The following GRHL1 variants were observed in gnomAD, a reference collection of about 807,000 sequenced individuals.
GRHL1 encodes grainyhead like transcription factor 1, also known as grainyhead-like protein 1 homolog.
Under a neutral mutation model 75.7 loss-of-function variants are expected in GRHL1, and 38 were observed. That is an observed-to-expected ratio of 0.50 (90% CI 0.39 to 0.66). The LOEUF (loss-of-function observed/expected upper bound fraction) is 0.66. Ranked by LOEUF, GRHL1 falls within the 30% of genes least tolerant of loss-of-function variation. The probability of loss-of-function intolerance (pLI) is 0.00; values close to 1 mark genes in which losing one functional copy is unlikely to be tolerated. For missense variants in GRHL1, 589 were observed against 767.5 expected (o/e 0.77, Z 2.75); for synonymous variants, 266 against 279.4 (o/e 0.95, Z 0.48).
rs1477609807 is a variant in GRHL1 at position 9,954,879 on chromosome 2, G to A, written c.21-36G>A. The stretch of plus-strand genomic sequence containing the variant: ...GCTTATGATACCTTGCAGTAGAAAA[G>A]TGTGTGTTTTTGTTTTTTTTTTAAT... On this transcript the variant is annotated intron_variant, in intron 1 of 15. Coordinates refer to ENST00000324907, the MANE Select transcript of GRHL1 (RefSeq NM_198182.3). The A allele has an allele frequency of 3.3e-6, 5 of 1,538,162 alleles. No homozygotes were observed. In the South Asian group the frequency reaches 3.4e-5, roughly 10 times the overall value.
rs1194877451 is a variant in GRHL1 at position 9,990,080 on chromosome 2, C to A, written c.1270-616C>A. Among the ~76,000 whole-genome samples the A allele has an allele frequency of 6.6e-6, 1 of 152,084 alleles. No homozygotes were observed. Among genetic ancestry groups the A allele is most frequent in the South Asian group, 2.1e-4 (1 of 4,818 alleles). ...AAGGGAAAATACCCTTGTGTCTTTGCAGGCATGTGGTATACTCACAGATTT... is the reference window on the plus strand; with the variant it reads ...AAGGGAAAATACCCTTGTGTCTTTGAAGGCATGTGGTATACTCACAGATTT... On this transcript the variant is annotated intron_variant, in intron 9 of 15. Transcript: ENST00000324907. This position sits in a 1 kb window ranked among gnomAD's most constrained non-coding sequence, Gnocchi z 4.2.
chr2:9,990,820 T>C lies in GRHL1; in HGVS notation c.1321+73T>C. ...TGTTCCCGGCAAGCTTCAGACCTTT[T>C]CCATTGAGAATGGTGGCTGGAGTTT... is the stretch of plus-strand genomic sequence containing the variant. On this transcript the variant is annotated intron_variant, in intron 10 of 15. Transcript: ENST00000324907. This position sits in a 1 kb window ranked among gnomAD's most constrained non-coding sequence, Gnocchi z 4.2. The C allele has an allele frequency of 8.1e-7, 1 of 1,238,526 alleles. No individual in the cohort carries two copies. Among genetic ancestry groups the C allele is most frequent in the African/African-American group, 1.5e-5 (1 of 67,028 alleles). 76.7% of individuals were successfully genotyped at this position (1,238,526 alleles called of 1,614,324 possible).
At position 9,992,914 on chromosome 2, in the gene GRHL1, T is replaced by C. The variant is rs1447064614; in HGVS notation, c.1462-293T>C. 6.6e-6 allele frequency among the ~76,000 whole-genome samples: 1 copy of C among 152,212 alleles called. No homozygotes were observed. Among genetic ancestry groups the C allele is most frequent in the Non-Finnish European group, 1.5e-5 (1 of 68,036 alleles). ...GGCCCCGTGGTCTCCACTGTGCTGC[T>C]CAGTGCTGCCGAACTAGTGCACACA... is the stretch of plus-strand genomic sequence containing the variant. On this transcript the variant is annotated intron_variant, in intron 11 of 15. Transcript: ENST00000324907. This position sits in a 1 kb window ranked among gnomAD's most constrained non-coding sequence, Gnocchi z 4.6.
chr2:9,965,680 G>A (rs529846491), intron 8 of GRHL1: 1 of 354,892 alleles, frequency 2.8e-6, no homozygotes, highest in African/African-American at 2.1e-5. Flanking sequence ...CATTTGCACA[G>A]TGGAGGTGAT....
At chr2:9,997,829 A>C (rs931985087) in intron 14 of GRHL1, among the ~76,000 whole-genome samples, 8 of 152,142 alleles carry the variant, frequency 5.3e-5, no homozygotes, top group South Asian at 4.1e-4. Flanking sequence ...AAAAAAAAAA[A>C]AACAACAAAA....
rs1047965273 is a variant in GRHL1, at chr2:10,000,472, G to T, written c.1743-121G>T. Reference sequence around the variant, plus strand: ...AGATGAGGAAGTTGAGGCTTAAGGAGATTTAAATAATTTGCCTCACATGCT... The same window carrying T: ...AGATGAGGAAGTTGAGGCTTAAGGATATTTAAATAATTTGCCTCACATGCT... On this transcript the variant is annotated intron_variant, in intron 15 of 15. Coordinates refer to ENST00000324907, the MANE Select transcript of GRHL1 (RefSeq NM_198182.3). The T allele has an allele frequency of 1.8e-5, 12 of 654,218 alleles. No individual in the cohort carries two copies. The African/African-American group carries it at 2.0e-4, about 11-fold the overall frequency. 40.5% of individuals were successfully genotyped at this position (654,218 alleles called of 1,614,324 possible). A position where few individuals can be genotyped will look rare whatever the true frequency, so the allele number is the denominator to read the frequency against.
Position 9,990,567 on chromosome 2 carries a change from ATAG to A in GRHL1, c.1270-126_1270-124del. 1 of 484,826 alleles carries A rather than the reference ATAG, an allele frequency of 2.1e-6. No individual in the cohort carries two copies. Among genetic ancestry groups the A allele is most frequent in the Non-Finnish European group, 3.8e-6 (1 of 264,804 alleles). 30.0% of individuals were successfully genotyped at this position (484,826 alleles called of 1,614,324 possible). On this transcript the variant is annotated intron_variant, in intron 9 of 15. Coordinates refer to ENST00000324907, the MANE Select transcript of GRHL1 (RefSeq NM_198182.3). The surrounding 1 kb of genome is among the most constrained non-coding windows in gnomAD (Gnocchi z 4.2). The stretch of plus-strand genomic sequence containing the variant: ...AACTACTATGATAAGCCTCATGAAT[ATAG>A]TAAGTAATGGGGTTCCTGTCCAGAG...
chr2:9,959,260 C>T (rs1446230701), intron 3 of GRHL1: 1 of 152,758 alleles, frequency 6.5e-6, no homozygotes, highest in Non-Finnish European at 1.5e-5. Flanking sequence ...ATTCAAATTC[C>T]TGTTGAAATT....
chr2:9,976,107 C>G (rs1420495525), intron 8 of GRHL1, among the ~76,000 whole-genome samples: 1 of 152,066 alleles, frequency 6.6e-6, no homozygotes, highest in East Asian at 1.9e-4. Flanking sequence ...AGTCATTCGT[C>G]CAGGAAACGT....
At chr2:9,964,594 C>T in intron 7 of GRHL1, 1 of 383,214 alleles carries the variant, frequency 2.6e-6, no homozygotes, top group Non-Finnish European at 4.7e-6. Context: ...AGCCATGTAG[C>T]TGGCTAACCT....
At chr2:9,979,030 C>T (rs543700155) in intron 8 of GRHL1, among the ~76,000 whole-genome samples, 7 of 149,744 alleles carry the variant, frequency 4.7e-5, no homozygotes, top group South Asian at 2.1e-4. Context: ...TGTAGTGGTG[C>T]GCGCCTGTAA....
At position 9,986,139 on chromosome 2, in the gene GRHL1, A is replaced by G; in HGVS notation, c.1126A>G (p.Asn376Asp). 1 of 1,609,766 alleles carries G rather than the reference A, an allele frequency of 6.2e-7. No homozygotes were observed. The highest frequency in any genetic ancestry group is 8.5e-7 in the Non-Finnish European group (1 of 1,178,164). The change falls in exon 9 of 16, where the codon AAC (asparagine) becomes GAC (aspartate). Residue 376 changes from asparagine to aspartate, a missense_variant. Asn to Asp is a conservative substitution (Grantham distance 23, BLOSUM62 1). Transcript: ENST00000324907. ...CCCTTGGCAGGTTTTCATCTCTGTG[A>G]ACTGCTTAAGCACAGATTTCTCTTC... Reference protein sequence around the residue: ...NDEAKVFISVNCLSTDFSSQK... With the variant: ...NDEAKVFISVDCLSTDFSSQK...
chr2:9,978,799 T>A (rs985435197), intron 8 of GRHL1, among the ~76,000 whole-genome samples: 1 of 152,128 alleles, frequency 6.6e-6, no homozygotes, highest in Non-Finnish European at 1.5e-5. Flanking sequence ...GAGACCAGCC[T>A]GGCCAACATG....
chr2:9,997,518 T>C (rs1029361147), intron 14 of GRHL1, among the ~76,000 whole-genome samples: 14 of 152,106 alleles, frequency 9.2e-5, no homozygotes, highest in Admixed American at 3.9e-4. Flanking sequence ...CCCTTCATCA[T>C]GTCTTAAGAA....
chr2:9,996,191 C>A, intron 13 of GRHL1, 125 bp from the exon 14 acceptor site: 1 of 753,702 alleles, frequency 1.3e-6, no homozygotes, highest in Non-Finnish European at 2.3e-6. Context: ...TGCTTGTCAT[C>A]CTTGATGTGA....
intron 8 of GRHL1, among the ~76,000 whole-genome samples, chr2:9,969,904 G>A (rs1222812194): frequency 2.0e-5 from 3 of 150,222 alleles, no homozygotes; most frequent in Non-Finnish European, 4.4e-5. Flanking sequence ...CTGCAGTGGC[G>A]CTATCTTGAC....
chr2:9,952,781 C>T (rs1473356737), intron 1 of GRHL1: 2 of 258,798 alleles, frequency 7.7e-6, no homozygotes, highest in Non-Finnish European at 1.6e-5. Flanking sequence ...AAGTTTAAGG[C>T]AGATAGGTAC....
In GRHL1 at chr2:9,965,347, TTTC is replaced by T; in HGVS notation, c.1077_1079del (p.Ser360del). On this transcript the variant is annotated inframe_deletion, in exon 8 of 16. Transcript: ENST00000324907. Reference sequence around the variant, plus strand: ...ATCGAGGAGATTGCGTATAACGCCATTTCCTTCACATGGGACATCAACGATGAA... The same window carrying T: ...ATCGAGGAGATTGCGTATAACGCCATCTTCACATGGGACATCAACGATGAA... 1 of 1,611,452 alleles carries T rather than the reference TTTC, an allele frequency of 6.2e-7. No individual in the cohort carries two copies. Among genetic ancestry groups the T allele is most frequent in the Non-Finnish European group, 8.5e-7 (1 of 1,177,498 alleles).
At chr2:9,989,371 G>A (rs1057470778) in intron 9 of GRHL1, among the ~76,000 whole-genome samples, 4 of 152,060 alleles carry the variant, frequency 2.6e-5, no homozygotes, top group African/African-American at 9.7e-5. Context: ...AATAAGTCAA[G>A]CAAAATGATT....
Sources: gnomAD v4.1 joint callset for allele counts (sites outside exome capture counted in the v4.1 genomes callset) on GRCh38, gnomAD v4.1.1 for gene constraint, Gnocchi (gnomAD v3.1) non-coding constraint, MANE v1.5 for transcripts, NCBI Gene and HGNC (gene_info 2026-07-23, HGNC 2026-07-21) for gene names.